The following SPOPL variants were observed in gnomAD, a reference collection of about 807,000 sequenced individuals.
SPOPL encodes the protein speckle-type POZ protein-like.
In SPOPL, 23 loss-of-function variants were observed where a neutral mutation model predicts 53.8. The observed-to-expected ratio is 0.43, with a 90% CI of 0.31 to 0.61. SPOPL has a LOEUF of 0.61. Ranked by LOEUF, SPOPL falls within the 20% of genes least tolerant of loss-of-function variation. The pLI, the probability that SPOPL is intolerant of heterozygous loss-of-function variation, is 0.12. For missense variants in SPOPL, 442 were observed against 466.9 expected, an observed-to-expected ratio of 0.95 and a Z score of 0.49; for synonymous variants, 164 against 149.7, an observed-to-expected ratio of 1.10 and a Z score of -0.70.
intron 5 of SPOPL, among the ~76,000 whole-genome samples, chr2:138,554,974 T>G (rs1020251821): frequency 6.6e-6 from 1 of 152,132 alleles, no homozygotes; most frequent in African/African-American, 2.4e-5. Context: ...GAACAGAATT[T>G]TTATTGGCTC....
intron 7 of SPOPL, 35 bp downstream of exon 7, chr2:138,559,372 A>T: frequency 6.4e-7 from 1 of 1,570,664 alleles, no homozygotes; most frequent in Non-Finnish European, 8.7e-7. Flanking sequence ...TTGAATTTAT[A>T]TAAACGTAAA....
At chr2:138,527,659 GT>G (rs1426128377) in intron 1 of SPOPL, among the ~76,000 whole-genome samples, 1 of 152,096 alleles carries the variant, frequency 6.6e-6, no homozygotes, top group Non-Finnish European at 1.5e-5. Context: ...AGAGTTCTTT[GT>G]TAATTTTTTT....
chr2:138,503,474 A>G (rs1190671842), intron 1 of SPOPL, among the ~76,000 whole-genome samples: 1 of 152,234 alleles, frequency 6.6e-6, no homozygotes, highest in African/African-American at 2.4e-5. Context: ...TGGGTAGATT[A>G]ATTCTAAGAC....
chr2:138,545,456 CAG>C, intron 1 of SPOPL, among the ~76,000 whole-genome samples: 1 of 151,092 alleles, frequency 6.6e-6, no homozygotes, highest in East Asian at 1.9e-4. Flanking sequence ...TTTTTTGAGA[CAG>C]AGTCTTGCTC....
intron 8 of SPOPL, among the ~76,000 whole-genome samples, chr2:138,561,694 G>A (rs902032320): frequency 2.6e-5 from 4 of 151,796 alleles, no homozygotes; most frequent in Non-Finnish European, 4.4e-5. Flanking sequence ...ATTTACAATA[G>A]CAGCATCATC....
chr2:138,555,517 T>C (rs2104896725), intron 5 of SPOPL, among the ~76,000 whole-genome samples: 1 of 152,300 alleles, frequency 6.6e-6, no homozygotes, highest in South Asian at 2.1e-4. Flanking sequence ...AACTCGCTAT[T>C]CTGGAAGATA....
intron 1 of SPOPL, among the ~76,000 whole-genome samples, chr2:138,540,488 A>G (rs1045043472): frequency 2.0e-5 from 3 of 152,026 alleles, no homozygotes; most frequent in African/African-American, 7.2e-5. Context: ...ATTCCTAGGT[A>G]TTTTATTCTC....
intron 8 of SPOPL, among the ~76,000 whole-genome samples, chr2:138,561,637 C>CT: frequency 6.6e-6 from 1 of 152,072 alleles, no homozygotes. Flanking sequence ...CTGACAACTG[C>CT]ACATGAATCT....
At chr2:138,511,232 A>G (rs6720716) in intron 1 of SPOPL, among the ~76,000 whole-genome samples, 119,302 of 152,086 alleles carry the variant, frequency 0.78, 47,292 homozygotes, top group Middle Eastern at 0.86. Flanking sequence ...TATTTTCTCA[A>G]GTGTCTGATT....
At chr2:138,555,131 GGTGTGTGTGTGTGTGTGT>G (rs61000380) in intron 5 of SPOPL, among the ~76,000 whole-genome samples, 2 of 140,186 alleles carry the variant, frequency 1.4e-5, no homozygotes, top group Admixed American at 7.1e-5. Flanking sequence ...AGGGTAGGAG[GGTGTGTGTGTGTGTGTGT>G]GTGTGTGTGT....
Position 138,571,505 on chromosome 2 carries a change from A to C in SPOPL, c.*2425A>C, listed in dbSNP as rs904687844. On this transcript the variant is annotated 3_prime_UTR_variant, in exon 11 of 11. Transcript: ENST00000280098. ...CTTTTCAGATAATATAATGCCTACC[A>C]TTATACTAACAGAATCATATGGTAG... The C allele has an allele frequency of 1.3e-5, 2 of 152,568 alleles. No individual in the cohort carries two copies. Among genetic ancestry groups the C allele is most frequent in the Non-Finnish European group, 2.9e-5 (2 of 68,012 alleles). The allele number at this position is 152,568 out of a possible 1,614,324, so 9.5% of individuals were successfully genotyped here.
chr2:138,526,710 C>G (rs1684683495), intron 1 of SPOPL, among the ~76,000 whole-genome samples: 1 of 148,300 alleles, frequency 6.7e-6, no homozygotes, highest in South Asian at 2.1e-4. Context: ...GGTCCTCATT[C>G]TTAAATAGAG....
chr2:138,568,974 C>T lies in SPOPL; in HGVS notation c.1073C>T (p.Ser358Phe). ...TDIMETSGWK[S>F]MIQSHPHLVA... ...ATAATGGAAACATCAGGGTGGAAGT[C>T]CATGATTCAGTCTCACCCTCATTTA... The change falls in exon 11 of 11, where the codon TCC becomes TTC. Residue 358 changes from serine to phenylalanine, a missense_variant. Transcript: ENST00000280098. The T allele has an allele frequency of 6.2e-7, 1 of 1,614,054 alleles. No individual in the cohort carries two copies. Among genetic ancestry groups the T allele is most frequent in the Non-Finnish European group, 8.5e-7 (1 of 1,179,922 alleles).
At chr2:138,539,921 T>C (rs1279668208) in intron 1 of SPOPL, among the ~76,000 whole-genome samples, 1 of 152,220 alleles carries the variant, frequency 6.6e-6, no homozygotes, top group Non-Finnish European at 1.5e-5. Flanking sequence ...TTAATTTTTG[T>C]ATAAGGTGTA....
chr2:138,558,215 T>A (rs1201096108), intron 5 of SPOPL, among the ~76,000 whole-genome samples: 1 of 152,160 alleles, frequency 6.6e-6, no homozygotes, highest in Non-Finnish European at 1.5e-5. Context: ...CAAGACTTAA[T>A]AGTGTTTTAG....
chr2:138,562,063 C>T (rs1685561786), intron 8 of SPOPL, among the ~76,000 whole-genome samples: 1 of 152,100 alleles, frequency 6.6e-6, no homozygotes, highest in African/African-American at 2.4e-5. Context: ...GTACATAAAT[C>T]TTGTCCATGG....
chr2:138,540,485 G>A (rs1685045319), intron 1 of SPOPL, among the ~76,000 whole-genome samples: 1 of 152,084 alleles, frequency 6.6e-6, no homozygotes, highest in Non-Finnish European at 1.5e-5. Flanking sequence ...TGGATTCCTA[G>A]GTATTTTATT....
At chr2:138,535,434 A>G (rs1451809179) in intron 1 of SPOPL, among the ~76,000 whole-genome samples, 1 of 151,746 alleles carries the variant, frequency 6.6e-6, no homozygotes, top group Non-Finnish European at 1.5e-5. Flanking sequence ...ACTGTTTTCC[A>G]CAGCGGTTAA....
At chr2:138,555,541 C>T (rs1307070665) in intron 5 of SPOPL, among the ~76,000 whole-genome samples, 2 of 152,020 alleles carry the variant, frequency 1.3e-5, no homozygotes, top group African/African-American at 2.4e-5. Flanking sequence ...ATGTGAAATT[C>T]GACTGTTAAA....
Sources: allele counts gnomAD v4.1 joint callset (sites outside exome capture counted in the v4.1 genomes callset), GRCh38; gene constraint gnomAD v4.1.1; transcripts MANE v1.5; gene names NCBI Gene and HGNC (gene_info 2026-07-23, HGNC 2026-07-21).